The following TLR5 variants were observed in gnomAD, a reference collection of about 807,000 sequenced individuals.
TLR5 encodes the protein toll-like receptor 5.
For missense variants in TLR5, 944 were observed against 999.8 expected (o/e 0.94, Z 0.75); for synonymous variants, 373 against 384.4 (o/e 0.97, Z 0.35).
At chr1:223,141,115 C>T (rs540824817) in intron 2 of TLR5, among the ~76,000 whole-genome samples, 1 of 152,348 alleles carries the variant, frequency 6.6e-6, no homozygotes, top group Admixed American at 6.5e-5. Flanking sequence ...CATCTGGATG[C>T]AGTAACTGGA....
chr1:223,123,485 C>T (rs1251669678), intron 5 of TLR5: 1 of 152,162 alleles, frequency 6.6e-6, no homozygotes, highest in Non-Finnish European at 1.5e-5. Context: ...ATTGTCTGGG[C>T]TTATGTCGTA....
chr1:223,116,362 G>A (rs116068831), intron 5 of TLR5, among the ~76,000 whole-genome samples: 1,889 of 152,168 alleles, frequency 0.012, 24 homozygotes, highest in Non-Finnish European at 0.019. Flanking sequence ...AGACCTTCAC[G>A]GTGAGTGTTA....
At chr1:223,117,394 G>T (rs576111140) in intron 5 of TLR5, among the ~76,000 whole-genome samples, 1 of 152,022 alleles carries the variant, frequency 6.6e-6, no homozygotes, top group Non-Finnish European at 1.5e-5. Flanking sequence ...ACAGTGCACC[G>T]GTGGGCTGAA....
In TLR5 at chr1:223,131,664, A is replaced by G. The variant is rs1355583177; in HGVS notation, c.-5+811T>C. Reference sequence around the variant, plus strand: ...CTGCAGCCACAATCTCCTGGGCTCAAGTGATGCTCCCATCTCAGCTTCCCA... The same window carrying G: ...CTGCAGCCACAATCTCCTGGGCTCAGGTGATGCTCCCATCTCAGCTTCCCA... On this transcript the variant is annotated intron_variant, in intron 5 of 5. Transcript: ENST00000642603. This position sits in a 1 kb window ranked among gnomAD's most constrained non-coding sequence, Gnocchi z 4.2. 6.6e-6 allele frequency among the ~76,000 whole-genome samples: 1 copy of G among 152,174 alleles called. No individual in the cohort carries two copies. Among genetic ancestry groups the G allele is most frequent in the Non-Finnish European group, 1.5e-5 (1 of 68,030 alleles).
intron 2 of TLR5, among the ~76,000 whole-genome samples, chr1:223,140,205 C>A (rs181470758): frequency 6.6e-6 from 1 of 152,268 alleles, no homozygotes; most frequent in East Asian, 1.9e-4. Flanking sequence ...GTCAGCAGAG[C>A]ATTTTGAGCA....
chr1:223,123,352 AAGAC>A (rs1408076357), intron 5 of TLR5: 2 of 152,224 alleles, frequency 1.3e-5, no homozygotes, highest in Non-Finnish European at 2.9e-5. Flanking sequence ...AGATAAGTGA[AAGAC>A]AGCCCCAAAC....
At position 223,109,754 on chromosome 1, in the gene TLR5, T is replaced by G. The variant is rs1045391355; in HGVS notation, c.*701A>C. ...AATGAGGTGTGCTAGGAAACAAAGC[T>G]GAAAAGGTAGGTTGGTGATAAATCA... On this transcript the variant is annotated 3_prime_UTR_variant, in exon 6 of 6. Coordinates refer to ENST00000642603, the MANE Select transcript of TLR5 (RefSeq NM_003268.6). The G allele has an allele frequency of 6.5e-6, 1 of 152,940 alleles. No individual in the cohort carries two copies. Among genetic ancestry groups the G allele is most frequent in the Non-Finnish European group, 1.5e-5 (1 of 68,584 alleles). The allele number at this position is 152,940 out of a possible 1,614,324, so 9.5% of individuals were successfully genotyped here.
At chr1:223,134,532 CGTT>C (rs1210035973) in intron 4 of TLR5, 147 bp downstream of exon 4, 2 of 152,170 alleles carry the variant, frequency 1.3e-5, no homozygotes. Flanking sequence ...ATGGCTTCCC[CGTT>C]GTTTGCACAT....
At chr1:223,128,859 T>C (rs1316269398) in intron 5 of TLR5, 2 of 152,238 alleles carry the variant, frequency 1.3e-5, no homozygotes, top group Non-Finnish European at 2.9e-5. Context: ...AGCTTCTTCC[T>C]AGCCTCCGAT....
At chr1:223,141,538 C>G (rs1657838398) in intron 2 of TLR5, 110 bp downstream of exon 2, 1 of 151,914 alleles carries the variant, frequency 6.6e-6, no homozygotes, top group African/African-American at 2.4e-5. Flanking sequence ...TGTGGGAGGC[C>G]AAGACAGGCG....
chr1:223,111,086 G>A lies in TLR5; in HGVS notation c.1946C>T (p.Thr649Ile). ...KFSLFIVCTV[T>I]LTLFLMTILT... is the part of the protein sequence containing the mutation. Reference sequence around the variant, plus strand: ...GATGGTCATGAGGAACAGAGTCAGAGTGACAGTGCATACAATGAAAAGGGA... The same window carrying A: ...GATGGTCATGAGGAACAGAGTCAGAATGACAGTGCATACAATGAAAAGGGA... The change falls in exon 6 of 6, where the codon ACT becomes ATT. Residue 649 changes from threonine to isoleucine, a missense_variant. Coordinates refer to ENST00000642603, the MANE Select transcript of TLR5 (RefSeq NM_003268.6). 8.1e-6 allele frequency: 13 copies of A among 1,614,216 alleles called. No individual in the cohort carries two copies. Among genetic ancestry groups the A allele is most frequent in the Non-Finnish European group, 1.1e-5 (13 of 1,180,048 alleles).
chr1:223,135,097 C>G (rs188913553), intron 3 of TLR5, among the ~76,000 whole-genome samples: 1 of 152,194 alleles, frequency 6.6e-6, no homozygotes, highest in Admixed American at 6.5e-5. Flanking sequence ...GAAAGCTTCC[C>G]AGGCAGATAA....
intron 5 of TLR5, among the ~76,000 whole-genome samples, chr1:223,124,901 G>A (rs115660138): frequency 0.01 from 1,542 of 152,266 alleles, 9 homozygotes; most frequent in South Asian, 0.034. Context: ...ACCGCACTCC[G>A]CCAGTGAGTT....
chr1:223,110,197 T>C lies in TLR5; in HGVS notation c.*258A>G, dbSNP rs1656247051. The C allele has an allele frequency of 5.8e-6, 3 of 521,246 alleles. No homozygotes were observed. Among genetic ancestry groups the C allele is most frequent in the Admixed American group, 6.6e-5 (2 of 30,388 alleles). 32.3% of individuals were successfully genotyped at this position (521,246 alleles called of 1,614,324 possible). A position where few individuals can be genotyped will look rare whatever the true frequency, so the allele number is the denominator to read the frequency against. ...ATCAACACAGCAGGACAGAACGGTATTATTGGATCTGAAAGAAAATCAATG... is the reference window on the plus strand; with the variant it reads ...ATCAACACAGCAGGACAGAACGGTACTATTGGATCTGAAAGAAAATCAATG... On this transcript the variant is annotated 3_prime_UTR_variant, in exon 6 of 6. Coordinates refer to ENST00000642603, the MANE Select transcript of TLR5 (RefSeq NM_003268.6).
chr1:223,120,021 A>ATAAAAT (rs1219696931), intron 5 of TLR5, among the ~76,000 whole-genome samples: 1 of 133,840 alleles, frequency 7.5e-6, no homozygotes, highest in African/African-American at 3.1e-5. Flanking sequence ...ATAAAATAAA[A>ATAAAAT]AGATATCAAC....
At chr1:223,132,448 T>C (rs1166003183) in intron 5 of TLR5, 27 bp downstream of exon 5, 3 of 152,280 alleles carry the variant, frequency 2.0e-5, no homozygotes, top group African/African-American at 7.2e-5. Flanking sequence ...AGACACACTA[T>C]GACACATTTT....
At chr1:223,142,507 A>G (rs544996139) in intron 1 of TLR5, among the ~76,000 whole-genome samples, 1 of 152,176 alleles carries the variant, frequency 6.6e-6, no homozygotes, top group East Asian at 1.9e-4. Flanking sequence ...TGCAACCACC[A>G]ATCACCCAAG....
chr1:223,117,354 C>T lies in TLR5; in HGVS notation c.-4-4319G>A, dbSNP rs962942878. On this transcript the variant is annotated intron_variant, in intron 5 of 5. Transcript: ENST00000642603. ...CCCAGCAAGCAGAGGGATCCTGCTCCGGCCTCAGCCAGCCCAGAGAGGGCC... is the reference window on the plus strand; with the variant it reads ...CCCAGCAAGCAGAGGGATCCTGCTCTGGCCTCAGCCAGCCCAGAGAGGGCC... 7.2e-5 allele frequency among the ~76,000 whole-genome samples: 11 copies of T among 151,900 alleles called. No individual in the cohort carries two copies. The East Asian group carries it at 7.8e-4, about 11-fold the overall frequency.
At chr1:223,118,729 G>T (rs1456091896) in intron 5 of TLR5, among the ~76,000 whole-genome samples, 3 of 152,062 alleles carry the variant, frequency 2.0e-5, no homozygotes, top group Non-Finnish European at 1.5e-5. Context: ...GTATAATGAG[G>T]CATTTTCAGC....
Sources: allele counts gnomAD v4.1 joint callset (sites outside exome capture counted in the v4.1 genomes callset), GRCh38; gene constraint gnomAD v4.1.1; non-coding constraint Gnocchi (gnomAD v3.1); transcripts MANE v1.5; gene names NCBI Gene and HGNC (gene_info 2026-07-23, HGNC 2026-07-21).